Variants in ROR1 observed in about 807,000 individuals in gnomAD.
ROR1 encodes the protein ROR family WNT receptor 1.
ROR1 carries 19 observed loss-of-function variants against 78.8 expected under a neutral mutation model. The observed-to-expected ratio is 0.24, with a 90% CI of 0.17 to 0.35. The LOEUF (loss-of-function observed/expected upper bound fraction) is 0.35. ROR1 is among the 10% of genes least tolerant of loss of function. ROR1 has a pLI of 1.00. For missense variants in ROR1, 917 were observed against 1,177.8 expected, an observed-to-expected ratio of 0.78 and a Z score of 3.24; for synonymous variants, 386 against 433.6, an observed-to-expected ratio of 0.89 and a Z score of 1.36.
chr1:63,872,934 C>A (rs1645261304), intron 1 of ROR1, among the ~76,000 whole-genome samples: 1 of 152,112 alleles, frequency 6.6e-6, no homozygotes, highest in Non-Finnish European at 1.5e-5. Flanking sequence ...GTTCCTCAAA[C>A]CCAAAGAAGG....
chr1:64,068,356 T>G (rs1646975291), intron 4 of ROR1, among the ~76,000 whole-genome samples: 1 of 152,174 alleles, frequency 6.6e-6, no homozygotes, highest in African/African-American at 2.4e-5. Flanking sequence ...TTACTTTGAT[T>G]ATTATTTGGC....
At chr1:63,896,708 G>A (rs1270979874) in intron 1 of ROR1, among the ~76,000 whole-genome samples, 3 of 152,078 alleles carry the variant, frequency 2.0e-5, no homozygotes, top group African/African-American at 7.2e-5. Flanking sequence ...GCAGAGGGGA[G>A]CAGGTCACTG....
At chr1:64,139,335 TG>T (rs747334210) in intron 5 of ROR1, among the ~76,000 whole-genome samples, 1 of 152,122 alleles carries the variant, frequency 6.6e-6, no homozygotes, top group Non-Finnish European at 1.5e-5. Context: ...CTTGTTGGCT[TG>T]TTTCTCAAGC....
At chr1:63,964,922 C>T (rs1223626388) in intron 1 of ROR1, among the ~76,000 whole-genome samples, 4 of 152,168 alleles carry the variant, frequency 2.6e-5, no homozygotes, top group African/African-American at 4.8e-5. Context: ...TAAGATGCTT[C>T]GCAGTTGAAA....
chr1:64,006,889 C>T (rs1646431962), intron 1 of ROR1, among the ~76,000 whole-genome samples: 1 of 152,190 alleles, frequency 6.6e-6, no homozygotes, highest in Non-Finnish European at 1.5e-5. Flanking sequence ...TGCAAGGTCT[C>T]AGTGAGTCAA....
chr1:63,777,351 G>A (rs1173880403), intron 1 of ROR1, among the ~76,000 whole-genome samples: 1 of 152,200 alleles, frequency 6.6e-6, no homozygotes, highest in Non-Finnish European at 1.5e-5. Flanking sequence ...AAGGCAATAA[G>A]ACTGTGAGCT....
chr1:64,145,798 C>A (rs1294731312), intron 7 of ROR1, among the ~76,000 whole-genome samples: 2 of 152,184 alleles, frequency 1.3e-5, no homozygotes, highest in African/African-American at 2.4e-5. Flanking sequence ...ACCTTCCACG[C>A]ACCAGGCACA....
At chr1:63,848,191 G>A (rs576018067) in intron 1 of ROR1, among the ~76,000 whole-genome samples, 6 of 152,108 alleles carry the variant, frequency 3.9e-5, no homozygotes, top group African/African-American at 1.4e-4. Context: ...GTATTTAATG[G>A]CTAAAGCAGA....
At chr1:63,814,156 T>C (rs1163925319) in intron 1 of ROR1, among the ~76,000 whole-genome samples, 2 of 152,230 alleles carry the variant, frequency 1.3e-5, no homozygotes, top group African/African-American at 4.8e-5. Flanking sequence ...GCCCTTCTGC[T>C]TTTGTTTCCG....
intron 1 of ROR1, among the ~76,000 whole-genome samples, chr1:63,878,201 T>G (rs1057396346): frequency 6.6e-6 from 1 of 152,170 alleles, no homozygotes; most frequent in Non-Finnish European, 1.5e-5. Flanking sequence ...TAGCAGGGTC[T>G]GCCCGTGAAG....
intron 1 of ROR1, among the ~76,000 whole-genome samples, chr1:63,863,798 ATTGTAT>A (rs1557533485): frequency 0.024 from 3,137 of 131,256 alleles, 135 homozygotes; most frequent in African/African-American, 0.065. Context: ...ATTGTATTGT[ATTGTAT>A]CATAGATGGC....
chr1:64,128,561 C>T (rs1276210916), intron 4 of ROR1, among the ~76,000 whole-genome samples: 2 of 152,060 alleles, frequency 1.3e-5, no homozygotes, highest in Non-Finnish European at 1.5e-5. Flanking sequence ...GAGGATGCCA[C>T]CACACAGAAA....
intron 1 of ROR1, among the ~76,000 whole-genome samples, chr1:63,987,979 A>G (rs1162699124): frequency 6.6e-6 from 1 of 152,194 alleles, no homozygotes; most frequent in Non-Finnish European, 1.5e-5. Context: ...TTACATTAAG[A>G]AGACCTCTGT....
chr1:64,145,291 A>C (rs1266974392), intron 7 of ROR1, among the ~76,000 whole-genome samples: 2 of 152,196 alleles, frequency 1.3e-5, no homozygotes, highest in African/African-American at 4.8e-5. Flanking sequence ...TTATGGAACA[A>C]AGAAGGGGAA....
intron 4 of ROR1, among the ~76,000 whole-genome samples, chr1:64,052,044 A>T (rs1406497102): frequency 1.3e-5 from 2 of 152,272 alleles, no homozygotes; most frequent in East Asian, 3.8e-4. Context: ...TTCATCAGCC[A>T]GTTAAAGGCA....
chr1:64,136,979 C>A (rs1240455968), intron 4 of ROR1, among the ~76,000 whole-genome samples: 3 of 152,132 alleles, frequency 2.0e-5, no homozygotes, highest in African/African-American at 7.2e-5. Context: ...TTCGCCCACG[C>A]CTTTGTAGCA....
chr1:63,778,559 T>C (rs1218855530), intron 1 of ROR1, among the ~76,000 whole-genome samples: 1 of 152,216 alleles, frequency 6.6e-6, no homozygotes, highest in Non-Finnish European at 1.5e-5. Context: ...AGCTGAAGAA[T>C]GGTGCCAAGT....
At chr1:63,930,169 T>C (rs1645739949) in intron 1 of ROR1, among the ~76,000 whole-genome samples, 1 of 152,088 alleles carries the variant, frequency 6.6e-6, no homozygotes, top group Non-Finnish European at 1.5e-5. Flanking sequence ...CCTGAGTCCA[T>C]GTGTTTTCAT....
intron 1 of ROR1, among the ~76,000 whole-genome samples, chr1:63,983,057 T>C (rs11801368): frequency 0.025 from 3,873 of 152,262 alleles, 167 homozygotes; most frequent in African/African-American, 0.089. Flanking sequence ...ACAAAATATT[T>C]GCAAACAACA....
Sources: gnomAD v4.1 joint callset for allele counts (sites outside exome capture counted in the v4.1 genomes callset) on GRCh38, gnomAD v4.1.1 for gene constraint, MANE v1.5 for transcripts, NCBI Gene and HGNC (gene_info 2026-07-23, HGNC 2026-07-21) for gene names.